Variants in RBFOX1 observed in about 807,000 individuals in gnomAD.
RBFOX1 encodes the protein RNA binding fox-1 homolog 1, also known as RNA binding protein fox-1 homolog 1.
In RBFOX1, 8 loss-of-function variants were observed where a neutral mutation model predicts 57.7. That is an observed-to-expected ratio of 0.14 (90% CI 0.08 to 0.25). The LOEUF is 0.25. RBFOX1 is among the 10% of genes least tolerant of loss of function. The pLI, the probability that RBFOX1 is intolerant of heterozygous loss-of-function variation, is 1.00. For synonymous variants in RBFOX1, 326 were observed against 222.4 expected (o/e 1.47, Z -4.15); for missense variants, 611 against 548.5 (o/e 1.11, Z -1.14).
At chr16:7,639,048 T>C (rs1056304764) in intron 11 of RBFOX1, among the ~76,000 whole-genome samples, 7 of 152,270 alleles carry the variant, frequency 4.6e-5, no homozygotes, top group South Asian at 2.1e-4. Context: ...AAGATACAAA[T>C]TGATCTTGAT....
chr16:7,187,031 C>G (rs1380224866), intron 4 of RBFOX1, among the ~76,000 whole-genome samples: 1 of 143,132 alleles, frequency 7.0e-6, no homozygotes, highest in Non-Finnish European at 1.5e-5. Flanking sequence ...CAGAAATTAG[C>G]TGGACATGGT....
intron 3 of RBFOX1, among the ~76,000 whole-genome samples, chr16:5,736,556 G>C (rs1041216822): frequency 6.6e-6 from 1 of 152,122 alleles, no homozygotes; most frequent in African/African-American, 2.4e-5. Context: ...AGTGGGGCCC[G>C]GATCGGGGTC....
intron 1 of RBFOX1, among the ~76,000 whole-genome samples, chr16:5,243,154 C>T (rs1414726628): frequency 3.9e-5 from 6 of 151,960 alleles, no homozygotes; most frequent in Non-Finnish European, 7.4e-5. Context: ...TGTGTCTGAC[C>T]CACAGCTGTT....
chr16:6,315,481 A>T (rs1203663539), intron 1 of RBFOX1, among the ~76,000 whole-genome samples: 1 of 146,468 alleles, frequency 6.8e-6, no homozygotes, highest in Middle Eastern at 3.2e-3. Flanking sequence ...GGGTGGGTGG[A>T]TGGGTAGGTA....
chr16:6,122,276 G>A (rs2152639259), intron 1 of RBFOX1, among the ~76,000 whole-genome samples: 1 of 151,932 alleles, frequency 6.6e-6, no homozygotes, highest in South Asian at 2.1e-4. Flanking sequence ...GCTAGTCTGT[G>A]AGCCTCTTGA....
At chr16:6,937,289 C>T (rs1463449754) in intron 3 of RBFOX1, among the ~76,000 whole-genome samples, 2 of 152,098 alleles carry the variant, frequency 1.3e-5, no homozygotes, top group African/African-American at 4.8e-5. Flanking sequence ...ACACTGTTTC[C>T]TTTTTACCTT....
chr16:6,857,409 G>A (rs755767777), intron 3 of RBFOX1, among the ~76,000 whole-genome samples: 2 of 150,530 alleles, frequency 1.3e-5, no homozygotes, highest in African/African-American at 4.9e-5. Flanking sequence ...CATGGGAGAG[G>A]TCAAATCCCA....
intron 4 of RBFOX1, among the ~76,000 whole-genome samples, chr16:7,172,038 C>A (rs1346640496): frequency 6.6e-6 from 1 of 151,324 alleles, no homozygotes; most frequent in Admixed American, 6.6e-5. Context: ...CCAGTTTTGT[C>A]ACAATTCACA....
intron 2 of RBFOX1, among the ~76,000 whole-genome samples, chr16:5,557,159 C>G (rs1442354609): frequency 6.6e-6 from 1 of 151,966 alleles, no homozygotes; most frequent in African/African-American, 2.4e-5. Context: ...ACTCAGGAGG[C>G]TGAGGCAGGA....
intron 4 of RBFOX1, among the ~76,000 whole-genome samples, chr16:7,510,512 G>GTGC (rs1555532568): frequency 9.2e-5 from 12 of 130,134 alleles, no homozygotes; most frequent in African/African-American, 3.7e-4. Context: ...TGTGTGTGTG[G>GTGC]GCGCGCGCGC....
chr16:7,152,876 G>C (rs2076364247), intron 4 of RBFOX1, among the ~76,000 whole-genome samples: 1 of 152,130 alleles, frequency 6.6e-6, no homozygotes, highest in African/African-American at 2.4e-5. Flanking sequence ...TCATTTGCAA[G>C]ACTCAAGTGG....
In RBFOX1 at chr16:6,819,926, C is replaced by T. The variant is rs561330564; in HGVS notation, c.-16+165276C>T. Among the ~76,000 whole-genome samples, 117 of 152,206 alleles carry T rather than the reference C, an allele frequency of 7.7e-4. 2 individuals carry two copies. The South Asian group carries it at 0.023, about 30-fold the overall frequency. On this transcript the variant is annotated intron_variant, in intron 3 of 15. Transcript: ENST00000550418. ...GCTCTGCACATCAGGGAGACTGTTC[C>T]TGCAGAGGTGATGTCATCTGGTATT...
At chr16:7,255,082 C>G (rs986048115) in intron 4 of RBFOX1, among the ~76,000 whole-genome samples, 1 of 152,136 alleles carries the variant, frequency 6.6e-6, no homozygotes, top group African/African-American at 2.4e-5. Flanking sequence ...TTAACGTTAG[C>G]TGTTATTTAG....
At chr16:5,989,384 G>T (rs1242070999) in intron 4 of RBFOX1, among the ~76,000 whole-genome samples, 3 of 152,006 alleles carry the variant, frequency 2.0e-5, no homozygotes, top group African/African-American at 7.2e-5. Context: ...ATTACAGGGG[G>T]TTTCCCTATA....
At chr16:6,035,839 G>C (rs917534773) in intron 1 of RBFOX1, among the ~76,000 whole-genome samples, 2 of 152,146 alleles carry the variant, frequency 1.3e-5, no homozygotes, top group African/African-American at 4.8e-5. Context: ...TTTCCAAAGA[G>C]GCAAGCTTAT....
At chr16:5,384,466 G>C (rs1246498480) in intron 1 of RBFOX1, among the ~76,000 whole-genome samples, 1 of 152,140 alleles carries the variant, frequency 6.6e-6, no homozygotes, top group African/African-American at 2.4e-5. Context: ...GAAGCAGCAA[G>C]TTTTAAGTTG....
At chr16:5,633,907 A>G (rs950193258) in intron 3 of RBFOX1, among the ~76,000 whole-genome samples, 2 of 152,174 alleles carry the variant, frequency 1.3e-5, no homozygotes, top group African/African-American at 4.8e-5. Flanking sequence ...AAAAGAAGAT[A>G]TACAGACACC....
chr16:7,534,340 G>A (rs937229407), intron 5 of RBFOX1, among the ~76,000 whole-genome samples: 15 of 151,700 alleles, frequency 9.9e-5, no homozygotes, highest in African/African-American at 2.4e-5. Flanking sequence ...TGATCCGCCC[G>A]TCTCAGCCTA....
At chr16:5,914,922 A>T (rs920734655) in intron 4 of RBFOX1, among the ~76,000 whole-genome samples, 1 of 152,044 alleles carries the variant, frequency 6.6e-6, no homozygotes, top group Admixed American at 6.6e-5. Flanking sequence ...AAAACAAAAA[A>T]AAAGAGAGTC....
Sources: allele counts gnomAD v4.1 joint callset (sites outside exome capture counted in the v4.1 genomes callset), GRCh38; gene constraint gnomAD v4.1.1; transcripts MANE v1.5; gene names NCBI Gene and HGNC (gene_info 2026-07-23, HGNC 2026-07-21).